Variants in SSBP2 observed in about 807,000 individuals in gnomAD.
SSBP2 encodes the protein single stranded DNA binding protein 2, also known as single-stranded DNA-binding protein 2.
Under a neutral mutation model 61.8 loss-of-function variants are expected in SSBP2, and 17 were observed. The ratio of observed to expected loss-of-function variants is 0.28; its 90% CI spans 0.19 to 0.41. The LOEUF (loss-of-function observed/expected upper bound fraction) is 0.41. Among genes scored for constraint, SSBP2 ranks in the 10% least tolerant of loss-of-function variants. SSBP2 has a pLI of 1.00. For missense variants in SSBP2, 310 were observed against 458.7 expected (o/e 0.68, Z 2.96); for synonymous variants, 139 against 141.3 (o/e 0.98, Z 0.12).
chr5:81,671,279 G>C (rs1751557678), intron 1 of SSBP2, among the ~76,000 whole-genome samples: 1 of 152,020 alleles, frequency 6.6e-6, no homozygotes, highest in African/African-American at 2.4e-5. Context: ...CAGAATCACA[G>C]GGTATTTTTT....
chr5:81,665,060 T>TA (rs1191968575), intron 1 of SSBP2, among the ~76,000 whole-genome samples: 1 of 152,184 alleles, frequency 6.6e-6, no homozygotes, highest in African/African-American at 2.4e-5. Context: ...TTTGGTTCCA[T>TA]ATGAATTTTA....
At chr5:81,459,562 T>C (rs193288756) in intron 10 of SSBP2, among the ~76,000 whole-genome samples, 10 of 152,290 alleles carry the variant, frequency 6.6e-5, no homozygotes, top group East Asian at 5.8e-4. Flanking sequence ...AGGTGAGCCA[T>C]TGGTTGTGCT....
chr5:81,565,352 T>TA (rs1016741919), intron 4 of SSBP2, among the ~76,000 whole-genome samples: 4 of 151,948 alleles, frequency 2.6e-5, no homozygotes, highest in African/African-American at 9.7e-5. Flanking sequence ...ATATAGAACA[T>TA]AAAAAAAATT....
chr5:81,572,011 T>A (rs1414715120), intron 4 of SSBP2, among the ~76,000 whole-genome samples: 1 of 152,142 alleles, frequency 6.6e-6, no homozygotes, highest in African/African-American at 2.4e-5. Flanking sequence ...ATTAAATGTT[T>A]TTAAATTAAA....
chr5:81,452,093 G>C (rs755710531), intron 10 of SSBP2, among the ~76,000 whole-genome samples: 1 of 152,110 alleles, frequency 6.6e-6, no homozygotes, highest in African/African-American at 2.4e-5. Context: ...AAAAAACAAA[G>C]AAAGAAAGAA....
intron 4 of SSBP2, among the ~76,000 whole-genome samples, chr5:81,574,096 G>A (rs1045336236): frequency 6.6e-6 from 1 of 151,948 alleles, no homozygotes; most frequent in African/African-American, 2.4e-5. Flanking sequence ...AGCCGAGATC[G>A]CGCCACTGCA....
intron 4 of SSBP2, among the ~76,000 whole-genome samples, chr5:81,517,822 TTAAA>T (rs2154090158): frequency 6.6e-6 from 1 of 152,240 alleles, no homozygotes; most frequent in African/African-American, 2.4e-5. Context: ...TTTTGTCCTG[TTAAA>T]TAAAAACTTG....
At chr5:81,569,550 C>T (rs1773687519) in intron 4 of SSBP2, among the ~76,000 whole-genome samples, 1 of 152,170 alleles carries the variant, frequency 6.6e-6, no homozygotes, top group African/African-American at 2.4e-5. Flanking sequence ...TTTCCCTAAA[C>T]ACCTCATGCT....
intron 1 of SSBP2, among the ~76,000 whole-genome samples, chr5:81,741,324 C>T (rs1353852916): frequency 6.6e-6 from 1 of 152,120 alleles, no homozygotes; most frequent in African/African-American, 2.4e-5. Context: ...GTCAAGGGCA[C>T]ATAGAAGGCG....
At chr5:81,510,386 G>C (rs1561485075) in intron 5 of SSBP2, among the ~76,000 whole-genome samples, 3 of 152,080 alleles carry the variant, frequency 2.0e-5, no homozygotes, top group Non-Finnish European at 2.9e-5. Context: ...GCAATATCCT[G>C]CATTTATTTC....
intron 4 of SSBP2, among the ~76,000 whole-genome samples, chr5:81,610,210 G>A (rs1745315500): frequency 6.6e-6 from 1 of 152,116 alleles, no homozygotes; most frequent in Non-Finnish European, 1.5e-5. Context: ...TGGGGGGAGA[G>A]GTGGCATCAC....
intron 1 of SSBP2, among the ~76,000 whole-genome samples, chr5:81,675,430 T>C (rs947492024): frequency 2.6e-5 from 4 of 152,170 alleles, no homozygotes; most frequent in Non-Finnish European, 4.4e-5. Flanking sequence ...GTGTGATGTC[T>C]AGAGTTTCAG....
chr5:81,730,381 C>T lies in SSBP2; in HGVS notation c.62+20600G>A, dbSNP rs539182937. Among the ~76,000 whole-genome samples the T allele has an allele frequency of 1.2e-4, 19 of 152,236 alleles. No homozygotes were observed. In the South Asian group the frequency reaches 2.1e-3, roughly 17 times the overall value. On this transcript the variant is annotated intron_variant, in intron 1 of 16. Coordinates refer to ENST00000320672, the MANE Select transcript of SSBP2 (RefSeq NM_012446.5). ...CTGGGATTACAGGCGCCCGCTACCA[C>T]GCCTGGCTAATTTTTATAACTTTAA...
intron 5 of SSBP2, among the ~76,000 whole-genome samples, chr5:81,492,240 T>A (rs1580822649): frequency 6.6e-6 from 1 of 152,126 alleles, no homozygotes; most frequent in African/African-American, 2.4e-5. Context: ...AGGTGGCTCA[T>A]GCCTGTAATC....
rs977028826 is a variant in SSBP2, at chr5:81,589,607, G to T, written c.282+25866C>A. Reference sequence around the variant, plus strand: ...AGATCTTAAAATGTCTTTTTAAAATGAATAAAAAAGGTTTAGCTAGATATG... The same window carrying T: ...AGATCTTAAAATGTCTTTTTAAAATTAATAAAAAAGGTTTAGCTAGATATG... On this transcript the variant is annotated intron_variant, in intron 4 of 16. Coordinates refer to ENST00000320672, the MANE Select transcript of SSBP2 (RefSeq NM_012446.5). 7.2e-5 allele frequency among the ~76,000 whole-genome samples: 11 copies of T among 152,140 alleles called. 1 individual carries two copies. Among genetic ancestry groups the T allele is most frequent in the Non-Finnish European group, 1.3e-4 (9 of 67,984 alleles).
chr5:81,743,167 C>T (rs990482483), intron 1 of SSBP2, among the ~76,000 whole-genome samples: 1 of 152,164 alleles, frequency 6.6e-6, no homozygotes, highest in East Asian at 1.9e-4. Context: ...CTGAACCCAA[C>T]ACCCAATTCC....
intron 4 of SSBP2, among the ~76,000 whole-genome samples, chr5:81,606,455 A>G (rs998228545): frequency 2.0e-4 from 30 of 152,182 alleles, no homozygotes; most frequent in African/African-American, 6.8e-4. Context: ...GGTCAATCCT[A>G]TCTTGGTCTG....
At chr5:81,592,131 C>T (rs979737800) in intron 4 of SSBP2, among the ~76,000 whole-genome samples, 1 of 152,226 alleles carries the variant, frequency 6.6e-6, no homozygotes, top group African/African-American at 2.4e-5. Context: ...GGGTCACTCC[C>T]ACCCTAATAC....
At chr5:81,647,322 AT>A (rs1749356602) in intron 2 of SSBP2, among the ~76,000 whole-genome samples, 1 of 152,122 alleles carries the variant, frequency 6.6e-6, no homozygotes, top group Admixed American at 6.6e-5. Flanking sequence ...ATTCATAAAT[AT>A]GTACCCACAA....
Sources: gnomAD v4.1 joint callset for allele counts (sites outside exome capture counted in the v4.1 genomes callset) on GRCh38, gnomAD v4.1.1 for gene constraint, MANE v1.5 for transcripts, NCBI Gene and HGNC (gene_info 2026-07-23, HGNC 2026-07-21) for gene names.